ASIC2: variants seen among roughly 807,000 people sequenced by gnomAD.
The protein encoded by ASIC2 is acid-sensing ion channel 2.
Under a neutral mutation model 57.3 loss-of-function variants are expected in ASIC2, and 25 were observed. The ratio of observed to expected loss-of-function variants is 0.44; its 90% CI spans 0.32 to 0.61. ASIC2 has a LOEUF of 0.61. ASIC2 is among the 20% of genes least tolerant of loss of function. The pLI is 0.06. For missense variants in ASIC2, 641 were observed against 738.1 expected (o/e 0.87, Z 1.52); for synonymous variants, 319 against 307.5 (o/e 1.04, Z -0.39).
intron 1 of ASIC2, among the ~76,000 whole-genome samples, chr17:33,145,245 G>A (rs537111002): frequency 1.3e-5 from 2 of 152,328 alleles, no homozygotes; most frequent in South Asian, 4.1e-4. Flanking sequence ...GCTCAGGTCT[G>A]CACCCTTCTG....
At chr17:33,964,414 G>C (rs942526446) in intron 1 of ASIC2, among the ~76,000 whole-genome samples, 1 of 152,212 alleles carries the variant, frequency 6.6e-6, no homozygotes, top group Admixed American at 6.5e-5. Context: ...AGAACACTCA[G>C]TAGTCTTACA....
chr17:33,445,157 C>T (rs1036976900), intron 1 of ASIC2, among the ~76,000 whole-genome samples: 2 of 152,156 alleles, frequency 1.3e-5, no homozygotes, highest in East Asian at 1.9e-4. Flanking sequence ...AAGACATGGG[C>T]TGGGTGCAGT....
At chr17:33,137,412 C>A (rs907438636) in intron 1 of ASIC2, among the ~76,000 whole-genome samples, 2 of 152,170 alleles carry the variant, frequency 1.3e-5, no homozygotes, top group African/African-American at 4.8e-5. Context: ...GGCAATGGTA[C>A]ATTTGAAGGT....
In ASIC2 at chr17:33,292,623, C is replaced by T. The variant is rs1394602081; in HGVS notation, c.-508G>A. On this transcript the variant is annotated 5_prime_UTR_variant, in exon 1 of 10. Coordinates refer to ENST00000225823, the MANE Select transcript of ASIC2 (RefSeq NM_183377.2). ...TCCCCAGGGACCCCACCAGCCCGGC[C>T]CGTAGCCCAGCGGTGCTGGGACACG... 2 of 985,518 alleles carry T rather than the reference C, an allele frequency of 2.0e-6. No homozygotes were observed. The highest frequency in any genetic ancestry group is 6.1e-5 in the Admixed American group (1 of 16,280). 61.0% of individuals were successfully genotyped at this position (985,518 alleles called of 1,614,324 possible). A position where few individuals can be genotyped will look rare whatever the true frequency, so the allele number is the denominator to read the frequency against.
chr17:33,590,426 C>A (rs1904788231), intron 1 of ASIC2, among the ~76,000 whole-genome samples: 1 of 152,136 alleles, frequency 6.6e-6, no homozygotes, highest in Non-Finnish European at 1.5e-5. Context: ...CAGCCCCCTG[C>A]ACAGGTACTT....
chr17:33,909,519 T>A (rs1262060918), intron 1 of ASIC2, among the ~76,000 whole-genome samples: 1 of 152,034 alleles, frequency 6.6e-6, no homozygotes, highest in Non-Finnish European at 1.5e-5. Context: ...GAGCATGGGC[T>A]ATGGAGCCCA....
intron 1 of ASIC2, among the ~76,000 whole-genome samples, chr17:33,360,956 CAGA>C (rs1399321330): frequency 2.0e-5 from 3 of 152,184 alleles, no homozygotes; most frequent in Admixed American, 1.3e-4. Context: ...CAAAACCCAT[CAGA>C]AGAACAGTGA....
intron 1 of ASIC2, among the ~76,000 whole-genome samples, chr17:33,393,126 A>G (rs888129107): frequency 1.3e-5 from 2 of 151,922 alleles, no homozygotes; most frequent in African/African-American, 4.8e-5. Flanking sequence ...GATGATTTCT[A>G]TTCTATTAAC....
intron 1 of ASIC2, among the ~76,000 whole-genome samples, chr17:33,118,848 T>C (rs2092290761): frequency 6.6e-6 from 1 of 152,104 alleles, no homozygotes; most frequent in Non-Finnish European, 1.5e-5. Flanking sequence ...ATCCTTTTCC[T>C]GGAGCATTGC....
chr17:34,004,293 G>A (rs535329578), intron 1 of ASIC2: 45 of 152,360 alleles, frequency 3.0e-4, no homozygotes, highest in African/African-American at 1.1e-3. Context: ...AAACCATCTA[G>A]GAATGCGAAA....
At chr17:33,269,644 T>C (rs1904376495) in intron 1 of ASIC2, among the ~76,000 whole-genome samples, 1 of 76,060 alleles carries the variant, frequency 1.3e-5, no homozygotes, top group South Asian at 6.0e-4. Context: ...CCTTCCTTCC[T>C]TCCTTCCTTC....
intron 1 of ASIC2, among the ~76,000 whole-genome samples, chr17:33,335,223 C>T (rs913251695): frequency 3.3e-5 from 5 of 152,162 alleles, no homozygotes; most frequent in African/African-American, 7.2e-5. Flanking sequence ...AAATGATATG[C>T]TCCCAGTCCA....
At chr17:33,210,826 G>A (rs1387803197) in intron 1 of ASIC2, among the ~76,000 whole-genome samples, 5 of 152,140 alleles carry the variant, frequency 3.3e-5, no homozygotes, top group Admixed American at 1.3e-4. Context: ...AGGCGTGGGC[G>A]GGTACCCTTG....
At chr17:33,350,459 C>T (rs1328301321) in intron 1 of ASIC2, among the ~76,000 whole-genome samples, 2 of 152,076 alleles carry the variant, frequency 1.3e-5, no homozygotes, top group Non-Finnish European at 2.9e-5. Flanking sequence ...GTGGGTGGAT[C>T]ATCCGAGGTC....
chr17:33,719,721 A>C (rs1909329765), intron 1 of ASIC2, among the ~76,000 whole-genome samples: 1 of 152,164 alleles, frequency 6.6e-6, no homozygotes, highest in Non-Finnish European at 1.5e-5. Context: ...GTTGGGTGTG[A>C]GGCAAGAAGA....
At chr17:33,218,079 C>T (rs546930179) in intron 1 of ASIC2, among the ~76,000 whole-genome samples, 2 of 152,356 alleles carry the variant, frequency 1.3e-5, no homozygotes, top group East Asian at 3.9e-4. Flanking sequence ...ACAAAGTCTT[C>T]TTTGCTACGT....
At chr17:33,974,889 C>G (rs1362184070) in intron 1 of ASIC2, among the ~76,000 whole-genome samples, 1 of 152,166 alleles carries the variant, frequency 6.6e-6, no homozygotes, top group Non-Finnish European at 1.5e-5. Context: ...CATCCCTCAG[C>G]TTTTCCTGTC....
Position 33,480,504 on chromosome 17 carries a change from G to C in ASIC2, c.556-368437C>G, listed in dbSNP as rs1039917260. Among the ~76,000 whole-genome samples, 4 of 152,266 alleles carry C rather than the reference G, an allele frequency of 2.6e-5. No individual in the cohort carries two copies. In the South Asian group the frequency reaches 8.3e-4, roughly 32 times the overall value. On this transcript the variant is annotated intron_variant, in intron 1 of 9. Coordinates refer to the ASIC2 transcript ENST00000359872. The stretch of plus-strand genomic sequence containing the variant: ...AAACGAGGAATTGGAAAAAGTCCAT[G>C]AGGTGGTGGAGCAGAGAAATAGGGA...
chr17:33,442,262 TC>T (rs1567862239), intron 1 of ASIC2, among the ~76,000 whole-genome samples: 1 of 152,216 alleles, frequency 6.6e-6, no homozygotes, highest in African/African-American at 2.4e-5. Flanking sequence ...CTATCTTATA[TC>T]CTTTAAATTT....
Sources: gnomAD v4.1 joint callset for allele counts (sites outside exome capture counted in the v4.1 genomes callset) on GRCh38, gnomAD v4.1.1 for gene constraint, MANE v1.5 for transcripts, NCBI Gene and HGNC (gene_info 2026-07-23, HGNC 2026-07-21) for gene names.